Variants in LIPA observed in about 807,000 individuals in gnomAD.
LIPA encodes the protein lipase A, lysosomal acid type, also known as lysosomal acid lipase/cholesteryl ester hydrolase.
In LIPA, 26 loss-of-function variants were observed where a neutral mutation model predicts 40.6. The observed-to-expected ratio is 0.64, with a 90% CI of 0.47 to 0.89. LIPA has a LOEUF of 0.89. LIPA is among the 40% of genes least tolerant of loss of function. LIPA has a pLI of 0.00. For synonymous variants in LIPA, 188 were observed against 168.4 expected, an observed-to-expected ratio of 1.12 and a Z score of -0.90; for missense variants, 455 against 479.6, an observed-to-expected ratio of 0.95 and a Z score of 0.48.
chr10:89,292,635 C>A (rs1843380965), intron 1 of LIPA, among the ~76,000 whole-genome samples: 1 of 152,128 alleles, frequency 6.6e-6, no homozygotes, highest in African/African-American at 2.4e-5. Context: ...CTCCACAAAA[C>A]CCTATGTGGT....
At chr10:89,258,045 T>C (rs1160792101) in intron 1 of LIPA, among the ~76,000 whole-genome samples, 2 of 152,186 alleles carry the variant, frequency 1.3e-5, no homozygotes, top group African/African-American at 2.4e-5. Context: ...CATAAGACTA[T>C]TGTCTCAGTA....
intron 1 of LIPA, among the ~76,000 whole-genome samples, chr10:89,301,558 C>T (rs1400586763): frequency 6.6e-6 from 1 of 152,194 alleles, no homozygotes; most frequent in African/African-American, 2.4e-5. Flanking sequence ...TTGGCTCTTA[C>T]TCAAGAGCAT....
intron 1 of LIPA, among the ~76,000 whole-genome samples, chr10:89,268,315 C>T (rs1435147856): frequency 6.6e-6 from 1 of 152,220 alleles, no homozygotes; most frequent in African/African-American, 2.4e-5. Context: ...TGTCTAGGGA[C>T]ATCTCAAATT....
At chr10:89,356,297 C>G (rs149309553) in intron 2 of LIPA, among the ~76,000 whole-genome samples, 80 of 152,170 alleles carry the variant, frequency 5.3e-4, no homozygotes, top group African/African-American at 1.8e-3. Context: ...ATGTGTTCAC[C>G]AACTCAAAAC....
intron 1 of LIPA, among the ~76,000 whole-genome samples, chr10:89,286,921 G>A (rs932546282): frequency 3.3e-5 from 5 of 152,116 alleles, no homozygotes; most frequent in African/African-American, 4.8e-5. Context: ...TGCCTAAGCC[G>A]CAGCAGTCAA....
chr10:89,303,368 G>T (rs930453504), intron 1 of LIPA, among the ~76,000 whole-genome samples: 9 of 152,218 alleles, frequency 5.9e-5, no homozygotes, highest in African/African-American at 1.9e-4. Context: ...CAGTGATTCT[G>T]AGACTGCGGT....
intron 2 of LIPA, among the ~76,000 whole-genome samples, chr10:89,354,009 T>C (rs1843975582): frequency 6.6e-6 from 1 of 152,198 alleles, no homozygotes; most frequent in Admixed American, 6.5e-5. Flanking sequence ...TAAAACTTTT[T>C]AATAAACTTT....
chr10:89,319,702 A>T (rs558346867), intron 1 of LIPA, among the ~76,000 whole-genome samples: 172 of 152,356 alleles, frequency 1.1e-3, no homozygotes, highest in Non-Finnish European at 4.0e-4. Context: ...ATCCTCCCTA[A>T]CTCATTTGAT....
chr10:89,225,302 A>ACTCGCGACGCCCT, intron 5 of LIPA, 74 bp from the exon 6 acceptor site: 2 of 1,577,456 alleles, frequency 1.3e-6, no homozygotes, highest in South Asian at 2.2e-5. Flanking sequence ...AAAGGCCGTC[A>ACTCGCGACGCCCT]CTCGCGACGC....
chr10:89,242,605 A>G (rs1842976723), intron 3 of LIPA, among the ~76,000 whole-genome samples: 1 of 152,240 alleles, frequency 6.6e-6, no homozygotes, highest in Non-Finnish European at 1.5e-5. Context: ...AAAGAGGCCC[A>G]TGGCAACAGG....
intron 2 of LIPA, chr10:89,362,181 G>C (rs1055736970): frequency 6.6e-6 from 1 of 152,084 alleles, no homozygotes; most frequent in Non-Finnish European, 1.5e-5. Flanking sequence ...TAGGATTGCA[G>C]GTGTGAGCCA....
upstream of LIPA, among the ~76,000 whole-genome samples, chr10:89,347,256 C>A (rs1455927725): frequency 1.3e-5 from 2 of 152,214 alleles, no homozygotes; most frequent in Non-Finnish European, 2.9e-5. Context: ...CAAATTGTGA[C>A]AACACATGTG....
At chr10:89,226,617 T>C (rs1415499083) in intron 5 of LIPA, among the ~76,000 whole-genome samples, 1 of 152,244 alleles carries the variant, frequency 6.6e-6, no homozygotes, top group African/African-American at 2.4e-5. Flanking sequence ...ACTTAGAAAC[T>C]ACTTGTTTTC....
At chr10:89,265,966 C>G (rs1843233578) in intron 1 of LIPA, among the ~76,000 whole-genome samples, 1 of 152,198 alleles carries the variant, frequency 6.6e-6, no homozygotes, top group Non-Finnish European at 1.5e-5. Context: ...TGACAAGTTG[C>G]AATCAAAATG....
chr10:89,264,268 C>T (rs1960574), intron 1 of LIPA, among the ~76,000 whole-genome samples: 63,805 of 152,048 alleles, frequency 0.42, 13,913 homozygotes, highest in East Asian at 0.8. Context: ...ATGAAATATG[C>T]AGACGACTGG....
chr10:89,232,521 A>G (rs1191036267), intron 3 of LIPA, among the ~76,000 whole-genome samples: 1 of 152,220 alleles, frequency 6.6e-6, no homozygotes, highest in Non-Finnish European at 1.5e-5. Context: ...TGTAGTTAAC[A>G]CGGAAAACAT....
Position 89,332,529 on chromosome 10 carries a change from G to A in LIPA, c.-2+10082C>T, listed in dbSNP as rs1187118033. The stretch of plus-strand genomic sequence containing the variant: ...AAGCACAGACCTAACAGCACCCTGG[G>A]TGGAAACCTCTTCAGCATTTGCTTG... On this transcript the variant is annotated intron_variant, in intron 1 of 5. Transcript: ENST00000282673. The A allele has an allele frequency of 7.4e-6, 12 of 1,612,002 alleles. No homozygotes were observed. In the East Asian group the frequency reaches 2.2e-4, roughly 30 times the overall value.
At chr10:89,229,752 C>CAAAAAAAAAAA (rs11388104) in intron 3 of LIPA, among the ~76,000 whole-genome samples, 1 of 115,838 alleles carries the variant, frequency 8.6e-6, no homozygotes. Flanking sequence ...GACTCAGTCT[C>CAAAAAAAAAAA]AAAAAAAAAA....
At chr10:89,356,032 G>A (rs1366873384) in intron 2 of LIPA, among the ~76,000 whole-genome samples, 2 of 152,194 alleles carry the variant, frequency 1.3e-5, no homozygotes, top group Non-Finnish European at 2.9e-5. Context: ...CTATGGAGTA[G>A]GCTTTCTTTT....
Sources: allele counts gnomAD v4.1 joint callset (sites outside exome capture counted in the v4.1 genomes callset), GRCh38; gene constraint gnomAD v4.1.1; transcripts MANE v1.5; gene names NCBI Gene and HGNC (gene_info 2026-07-23, HGNC 2026-07-21).